Variants in FAM185A observed in about 807,000 individuals in gnomAD.
The protein encoded by FAM185A is protein FAM185A.
FAM185A carries 21 observed loss-of-function variants against 45.7 expected under a neutral mutation model. That is an observed-to-expected ratio of 0.46 (90% CI 0.33 to 0.66). The LOEUF is 0.66. Ranked by LOEUF, FAM185A falls within the 30% of genes least tolerant of loss-of-function variation. The pLI, the probability that FAM185A is intolerant of heterozygous loss-of-function variation, is 0.03. For missense variants in FAM185A, 305 were observed against 485.4 expected, an observed-to-expected ratio of 0.63 and a Z score of 3.49; for synonymous variants, 117 against 194.0, an observed-to-expected ratio of 0.60 and a Z score of 3.30.
chr7:102,759,486 G>T (rs1436358381), intron 3 of FAM185A, among the ~76,000 whole-genome samples: 1 of 150,572 alleles, frequency 6.6e-6, no homozygotes, highest in African/African-American at 2.5e-5. Flanking sequence ...TTCTAAGTTT[G>T]TAGTTTTTAT....
At chr7:102,798,767 G>T (rs1253301659) in intron 7 of FAM185A, among the ~76,000 whole-genome samples, 6 of 151,546 alleles carry the variant, frequency 4.0e-5, no homozygotes, top group Non-Finnish European at 8.8e-5. Flanking sequence ...TTTATTTTGA[G>T]ACAGAGTTTC....
intron 2 of FAM185A, chr7:102,755,922 G>T: frequency 1.5e-6 from 1 of 672,012 alleles, no homozygotes; most frequent in Non-Finnish European, 2.6e-6. Context: ...TAAAGAACTT[G>T]CCACTAAACT....
At chr7:102,754,669 G>T (rs1793587856) in intron 2 of FAM185A, among the ~76,000 whole-genome samples, 2 of 152,184 alleles carry the variant, frequency 1.3e-5, no homozygotes, top group African/African-American at 4.8e-5. Flanking sequence ...ATTGAGCTGG[G>T]ATTTGACCTT....
intron 4 of FAM185A, among the ~76,000 whole-genome samples, 192 bp downstream of exon 4, chr7:102,761,603 G>A (rs1457654112): frequency 6.6e-6 from 1 of 150,398 alleles, no homozygotes; most frequent in Non-Finnish European, 1.5e-5. Flanking sequence ...ATTTGTGCAA[G>A]AGATTAAAGA....
intron 2 of FAM185A, chr7:102,754,946 TG>T (rs1484238541): frequency 7.6e-3 from 1,280 of 168,892 alleles, no homozygotes; most frequent in African/African-American, 0.029. Flanking sequence ...TCACATTTTT[TG>T]GGGAATTAGA....
intron 7 of FAM185A, among the ~76,000 whole-genome samples, chr7:102,807,114 C>T (rs1797165162): frequency 6.6e-6 from 1 of 151,808 alleles, no homozygotes; most frequent in African/African-American, 2.4e-5. Flanking sequence ...CCCATTTATA[C>T]CATTTATATA....
downstream of FAM185A, chr7:102,813,661 T>A: frequency 1.1e-6 from 1 of 879,554 alleles, no homozygotes. Flanking sequence ...CTCTCTTGCC[T>A]TGCTGAGAGT....
intron 3 of FAM185A, among the ~76,000 whole-genome samples, chr7:102,759,952 A>G (rs1252035956): frequency 6.6e-6 from 1 of 152,098 alleles, no homozygotes; most frequent in African/African-American, 2.4e-5. Flanking sequence ...CAGGATGGTG[A>G]TATTTGCTTT....
At chr7:102,781,049 G>C (rs544413101) in intron 6 of FAM185A, among the ~76,000 whole-genome samples, 30 of 152,300 alleles carry the variant, frequency 2.0e-4, no homozygotes, top group African/African-American at 6.7e-4. Flanking sequence ...TATGCCCACG[G>C]AGCCTCGCTC....
chr7:102,780,193 T>A (rs1205877479), intron 6 of FAM185A, among the ~76,000 whole-genome samples: 1 of 152,084 alleles, frequency 6.6e-6, no homozygotes, highest in African/African-American at 2.4e-5. Flanking sequence ...CCACGACCCA[T>A]AAGTAAATGC....
At position 102,808,281 on chromosome 7, in the gene FAM185A, G is replaced by T. The variant is rs1350439229; in HGVS notation, c.1067-9G>T. The T allele has an allele frequency of 1.3e-6, 2 of 1,532,492 alleles. No individual in the cohort carries two copies. Among genetic ancestry groups the T allele is most frequent in the African/African-American group, 1.4e-5 (1 of 72,604 alleles). The allele number at this position is 1,532,492 out of a possible 1,614,324, so 94.9% of individuals were successfully genotyped here. A position where few individuals can be genotyped will look rare whatever the true frequency, so the allele number is the denominator to read the frequency against. On this transcript the variant is annotated splice_polypyrimidine_tract_variant and intron_variant, in intron 7 of 7. Transcript: ENST00000413034. Reference sequence around the variant, plus strand: ...TCTTGATATAATTTTATGCAATTTTGTGTTTTAGGACTCATGAATCAAGCA... The same window carrying T: ...TCTTGATATAATTTTATGCAATTTTTTGTTTTAGGACTCATGAATCAAGCA...
the FAM185A span, among the ~76,000 whole-genome samples, chr7:102,840,762 T>C: frequency 6.6e-6 from 1 of 152,198 alleles, no homozygotes. Flanking sequence ...TGAAATTGTA[T>C]CTATGTGACC....
the FAM185A span, among the ~76,000 whole-genome samples, chr7:102,841,982 C>T: frequency 1.3e-5 from 2 of 152,202 alleles, no homozygotes; most frequent in East Asian, 3.8e-4. Context: ...TCCTTAGTTT[C>T]CTCTCCCAAT....
chr7:102,797,234 G>A (rs1322717682), intron 7 of FAM185A, among the ~76,000 whole-genome samples: 5 of 152,136 alleles, frequency 3.3e-5, no homozygotes, highest in African/African-American at 7.2e-5. Context: ...AGGCCGAGGC[G>A]GGCAGATCAT....
At chr7:102,808,154 A>G in intron 7 of FAM185A, 136 bp from the exon 8 acceptor site, 1 of 636,036 alleles carries the variant, frequency 1.6e-6, no homozygotes, top group Non-Finnish European at 2.7e-6. Context: ...CCTCTTTGCA[A>G]CTCCTGCCCA....
rs562228824 is a variant in FAM185A at position 102,780,614 on chromosome 7, A to G, written c.931+3266A>G. On this transcript the variant is annotated intron_variant, in intron 6 of 7. Transcript: ENST00000413034. ...GTTGTGTTATAATAATGAGGTCACA[A>G]GTCCTGTACTACGATGAGGTAGGAG... is the stretch of plus-strand genomic sequence containing the variant. Among the ~76,000 whole-genome samples, 395 of 152,324 alleles carry G rather than the reference A, an allele frequency of 2.6e-3. 2 individuals are homozygous for G. The highest frequency in any genetic ancestry group is 3.1e-3 in the Non-Finnish European group (211 of 68,020).
intron 1 of FAM185A, among the ~76,000 whole-genome samples, chr7:102,750,130 C>T (rs1222835140): frequency 1.3e-5 from 2 of 152,174 alleles, no homozygotes; most frequent in East Asian, 3.8e-4. Context: ...CGCCCAGCTT[C>T]TTACTGTTAT....
chr7:102,834,432 TTATATATATTATATATATGTGATTA>T, the FAM185A span, among the ~76,000 whole-genome samples: 1 of 132,348 alleles, frequency 7.6e-6, no homozygotes, highest in African/African-American at 3.2e-5. Context: ...ATATGTGTGA[TTATATATATTATATATATGTGATTA>T]TATATATATA....
At chr7:102,758,442 T>A (rs1466697699) in intron 3 of FAM185A, among the ~76,000 whole-genome samples, 1 of 140,198 alleles carries the variant, frequency 7.1e-6, no homozygotes, top group Non-Finnish European at 1.6e-5. Context: ...TTTTTTTTTT[T>A]TTTTTTTTTT....
Sources: allele counts gnomAD v4.1 joint callset (sites outside exome capture counted in the v4.1 genomes callset), GRCh38; gene constraint gnomAD v4.1.1; transcripts MANE v1.5; gene names NCBI Gene and HGNC (gene_info 2026-07-23, HGNC 2026-07-21).